Variants in KIAA1549L observed in about 807,000 individuals in gnomAD.
The protein encoded by KIAA1549L is UPF0606 protein KIAA1549L.
KIAA1549L carries 88 observed loss-of-function variants against 160.7 expected under a neutral mutation model. That is an observed-to-expected ratio of 0.55 (90% CI 0.46 to 0.65). The LOEUF (loss-of-function observed/expected upper bound fraction) is 0.65, where lower values mean the gene tolerates loss of function less well. Among genes scored for constraint, KIAA1549L ranks in the 30% least tolerant of loss-of-function variants. The pLI is 0.00. For missense variants in KIAA1549L, 2,258 were observed against 2,437.5 expected, an observed-to-expected ratio of 0.93 and a Z score of 1.55; for synonymous variants, 950 against 976.7, an observed-to-expected ratio of 0.97 and a Z score of 0.51.
At chr11:33,547,248 TG>T (rs2133189058) in intron 3 of KIAA1549L, among the ~76,000 whole-genome samples, 1 of 152,360 alleles carries the variant, frequency 6.6e-6, no homozygotes, top group South Asian at 2.1e-4. Context: ...AACTCAGGGC[TG>T]GGTGCTCCTC....
At position 33,545,095 on chromosome 11, in the gene KIAA1549L, C is replaced by T; in HGVS notation, c.3102C>T (p.Gly1034=). The T allele has an allele frequency of 6.2e-7, 1 of 1,614,002 alleles. No homozygotes were observed. Among genetic ancestry groups the T allele is most frequent in the Non-Finnish European group, 8.5e-7 (1 of 1,179,894 alleles). Residue 1034 remains glycine, a synonymous_variant, in exon 3 of 21, where the codon GGC becomes GGT. Transcript: ENST00000658780. ...AAGGAAACATGGACACTGCCTCTGG[C>T]CTGTTGTCTACAACTTACCTCCCCA... ...AMQGNMDTAS[G]LLSTTYLPRK... is the part of the protein sequence containing the mutation.
At chr11:33,445,865 C>T (rs1851600627) in intron 1 of KIAA1549L, among the ~76,000 whole-genome samples, 1 of 152,192 alleles carries the variant, frequency 6.6e-6, no homozygotes, top group Admixed American at 6.5e-5. Context: ...GGGGACACAA[C>T]AGGAAGACAG....
In KIAA1549L at chr11:33,555,366, A is replaced by C. The variant is rs530555959; in HGVS notation, c.3855+3125A>C. Among the ~76,000 whole-genome samples, 5 of 152,356 alleles carry C rather than the reference A, an allele frequency of 3.3e-5. No individual in the cohort carries two copies. In the East Asian group the frequency reaches 7.7e-4, roughly 24 times the overall value. On this transcript the variant is annotated intron_variant, in intron 6 of 20. Coordinates refer to ENST00000658780, the MANE Select transcript of KIAA1549L (RefSeq NM_012194.3). ...TTGAGTAGCCAAAGCAATCTTGAAA[A>C]GGAAGAACGAAGTTGGAGGTCCCAT...
At chr11:33,571,570 G>A (rs1311642011) in intron 9 of KIAA1549L, among the ~76,000 whole-genome samples, 3 of 152,098 alleles carry the variant, frequency 2.0e-5, no homozygotes, top group East Asian at 1.9e-4. Context: ...AGATGAAGGC[G>A]GAGCAGGTCT....
At chr11:33,505,706 G>T (rs994781046) in intron 1 of KIAA1549L, among the ~76,000 whole-genome samples, 20 of 152,146 alleles carry the variant, frequency 1.3e-4, no homozygotes, top group Non-Finnish European at 2.8e-4. Flanking sequence ...GGAGGTTAAT[G>T]TAGCAATATT....
At chr11:33,610,962 C>T (rs909943709) in intron 15 of KIAA1549L, among the ~76,000 whole-genome samples, 3 of 152,168 alleles carry the variant, frequency 2.0e-5, no homozygotes, top group African/African-American at 7.2e-5. Flanking sequence ...AGGAGGAGCC[C>T]TCATGGCCCT....
At chr11:33,663,057 G>A (rs1212726082) in intron 20 of KIAA1549L, among the ~76,000 whole-genome samples, 1 of 152,196 alleles carries the variant, frequency 6.6e-6, no homozygotes, top group Non-Finnish European at 1.5e-5. Flanking sequence ...GGTGAAACGG[G>A]TGATTTATAG....
Position 33,568,057 on chromosome 11 carries a change from C to T in KIAA1549L, c.4079-19C>T. 1 of 1,591,562 alleles carries T rather than the reference C, an allele frequency of 6.3e-7. No homozygotes were observed. Among genetic ancestry groups the T allele is most frequent in the Non-Finnish European group, 8.6e-7 (1 of 1,168,326 alleles). On this transcript the variant is annotated intron_variant, in intron 8 of 20. Transcript: ENST00000658780. ...AAAGTCTGCCTTCTGAGCCTCTGCT[C>T]TGCCTTCTGCATCCACAGTGCTGCA...
Position 33,665,934 on chromosome 11 carries a change from C to A in KIAA1549L, c.6160-1939C>A, listed in dbSNP as rs1385748878. On this transcript the variant is annotated intron_variant, in intron 20 of 20. Coordinates refer to ENST00000658780, the MANE Select transcript of KIAA1549L (RefSeq NM_012194.3). Reference sequence around the variant, plus strand: ...AGTCTTGTGCCTGGGAGGGTGGCTGCAGCTGCACCCAGGGAGCTCCAGACC... The same window carrying A: ...AGTCTTGTGCCTGGGAGGGTGGCTGAAGCTGCACCCAGGGAGCTCCAGACC... Among the ~76,000 whole-genome samples the A allele has an allele frequency of 1.6e-4, 24 of 152,226 alleles. 1 individual carries two copies. The highest frequency in any genetic ancestry group is 2.9e-5 in the Non-Finnish European group (2 of 68,038).
At chr11:33,472,275 CTTTTTTT>C (rs76771436) in intron 1 of KIAA1549L, among the ~76,000 whole-genome samples, 3 of 102,782 alleles carry the variant, frequency 2.9e-5, no homozygotes, top group Admixed American at 1.0e-4. Flanking sequence ...TCATGCCTGG[CTTTTTTT>C]TTTTTTTTTT....
At chr11:33,660,625 A>AC (rs1407923594) in intron 19 of KIAA1549L, among the ~76,000 whole-genome samples, 2 of 151,998 alleles carry the variant, frequency 1.3e-5, no homozygotes, top group African/African-American at 4.8e-5. Context: ...CTCTGTTGCT[A>AC]CATCACCTGG....
rs1384320141 is a variant in KIAA1549L at position 33,544,256 on chromosome 11, A to G, written c.2693A>G (p.Glu898Gly). The change falls in exon 2 of 21, where the codon GAA becomes GGA. Residue 898 changes from glutamate (E) to glycine (G), a missense_variant. Glu to Gly is a moderately conservative substitution (Grantham distance 98). This residue lies in a region of KIAA1549L where 287 missense variants were observed against 292.3 expected (regional missense o/e 0.98). Coordinates refer to ENST00000658780, the MANE Select transcript of KIAA1549L (RefSeq NM_012194.3). ...QNILGYHSAA[E>G]SSISTSVFPR... The stretch of plus-strand genomic sequence containing the variant: ...ATCTTGGGATATCACTCTGCTGCTG[A>G]ATCTTCTATATCGACCAGTGTCTTT... 6.2e-7 allele frequency: 1 copy of G among 1,613,988 alleles called. No individual in the cohort carries two copies. Among genetic ancestry groups the G allele is most frequent in the East Asian group, 2.2e-5 (1 of 44,882 alleles).
chr11:33,432,199 A>G (rs1046107890), intron 1 of KIAA1549L, among the ~76,000 whole-genome samples: 2 of 152,188 alleles, frequency 1.3e-5, no homozygotes, highest in African/African-American at 4.8e-5. Flanking sequence ...CCCACAGTGC[A>G]GCGGTGGGCT....
intron 1 of KIAA1549L, among the ~76,000 whole-genome samples, chr11:33,400,333 C>T (rs1407935292): frequency 6.6e-6 from 1 of 152,094 alleles, no homozygotes; most frequent in African/African-American, 2.4e-5. Context: ...TATCCAGGCA[C>T]AAAATAAGTG....
chr11:33,544,616 T>G (rs1854170739), intron 2 of KIAA1549L, 151 bp from the exon 3 acceptor site: 2 of 955,168 alleles, frequency 2.1e-6, no homozygotes, highest in Non-Finnish European at 3.1e-6. Context: ...TTTATGAGCC[T>G]AGAGTTGTTT....
intron 1 of KIAA1549L, among the ~76,000 whole-genome samples, chr11:33,500,906 A>G (rs1272948397): frequency 2.6e-5 from 4 of 152,184 alleles, no homozygotes; most frequent in Non-Finnish European, 4.4e-5. Context: ...CTCAGTAGAT[A>G]GAGGTTTTGT....
intron 1 of KIAA1549L, among the ~76,000 whole-genome samples, chr11:33,525,750 C>G (rs1280357129): frequency 6.6e-6 from 1 of 151,920 alleles, no homozygotes; most frequent in East Asian, 1.9e-4. Flanking sequence ...CACCAGCTGC[C>G]TGGATGTATA....
In KIAA1549L at chr11:33,543,622, A is replaced by G. The variant is rs1379945491; in HGVS notation, c.2059A>G (p.Met687Val). The change falls in exon 2 of 21, where the codon ATG becomes GTG. Residue 687 changes from methionine to valine, a missense_variant. By Grantham distance (21) the Met-to-Val change is conservative. Around this residue, in one of 6 missense-constraint regions of KIAA1549L, gnomAD observed 287 missense variants for 292.3 expected, o/e 0.98. Transcript: ENST00000658780. ...DVYDSLTIGD[M>V]KKPATTDVFW... ...ATATGATTCCTTAACAATAGGAGAC[A>G]TGAAAAAGCCAGCAACCACAGATGT... 4.3e-6 allele frequency: 7 copies of G among 1,613,840 alleles called. No homozygotes were observed. The Admixed American group carries it at 6.7e-5, about 15-fold the overall frequency.
chr11:33,523,346 G>A (rs1034689515), intron 1 of KIAA1549L, among the ~76,000 whole-genome samples: 6 of 152,272 alleles, frequency 3.9e-5, no homozygotes, highest in Admixed American at 2.0e-4. Flanking sequence ...TAGTGTATGC[G>A]TATGCCCTGT....
Sources: gnomAD v4.1 joint callset for allele counts (sites outside exome capture counted in the v4.1 genomes callset) on GRCh38, gnomAD v4.1.1 for gene constraint, gnomAD v4.1.1 regional missense constraint, MANE v1.5 for transcripts, NCBI Gene and HGNC (gene_info 2026-07-23, HGNC 2026-07-21) for gene names.